Variants in CFAP299 observed in about 807,000 individuals in gnomAD.
CFAP299 encodes cilia and flagella associated protein 299, also known as cilia- and flagella-associated protein 299.
CFAP299 carries 21 observed loss-of-function variants against 27.0 expected under a neutral mutation model. The ratio of observed to expected loss-of-function variants is 0.78; its 90% CI spans 0.55 to 1.12. The LOEUF is 1.12. CFAP299 is among the 50% of genes most tolerant of loss of function. The probability of loss-of-function intolerance (pLI) is 0.00; values close to 1 mark genes in which losing one functional copy is unlikely to be tolerated. For synonymous variants in CFAP299, 104 were observed against 98.1 expected (o/e 1.06, Z -0.36); for missense variants, 310 against 276.6 (o/e 1.12, Z -0.86).
chr4:80,376,520 C>T (rs1724417246), intron 2 of CFAP299, among the ~76,000 whole-genome samples: 1 of 152,182 alleles, frequency 6.6e-6, no homozygotes, highest in Non-Finnish European at 1.5e-5. Context: ...TATCGTTTTA[C>T]TCTCTCCTTA....
intron 2 of CFAP299, among the ~76,000 whole-genome samples, chr4:80,436,073 T>C (rs759609153): frequency 2.0e-5 from 3 of 152,162 alleles, no homozygotes; most frequent in Non-Finnish European, 4.4e-5. Context: ...AGAGACTGCA[T>C]AGATACTTGG....
At chr4:80,374,055 G>T (rs1010832345) in intron 2 of CFAP299, among the ~76,000 whole-genome samples, 2 of 152,074 alleles carry the variant, frequency 1.3e-5, no homozygotes, top group African/African-American at 4.8e-5. Flanking sequence ...CCTTTGAACT[G>T]CACTCAGTGT....
intron 2 of CFAP299, among the ~76,000 whole-genome samples, chr4:80,480,328 C>T (rs933483460): frequency 6.6e-6 from 1 of 151,696 alleles, no homozygotes; most frequent in South Asian, 2.1e-4. Context: ...TAACTCCAAA[C>T]CAGAAGTGGT....
At chr4:80,672,540 C>T (rs755882636) in intron 3 of CFAP299, among the ~76,000 whole-genome samples, 4 of 152,076 alleles carry the variant, frequency 2.6e-5, no homozygotes, top group South Asian at 2.1e-4. Context: ...GGGAGGATTC[C>T]CTCTTTTTCT....
At chr4:80,866,699 C>T (rs1283594483) in intron 3 of CFAP299, among the ~76,000 whole-genome samples, 1 of 152,090 alleles carries the variant, frequency 6.6e-6, no homozygotes, top group Non-Finnish European at 1.5e-5. Flanking sequence ...CGCTTGACCT[C>T]ACTTAAAGTC....
At chr4:80,338,607 A>G (rs921981663) in intron 1 of CFAP299, among the ~76,000 whole-genome samples, 1 of 152,212 alleles carries the variant, frequency 6.6e-6, no homozygotes, top group Non-Finnish European at 1.5e-5. Flanking sequence ...CTATACTTTC[A>G]TCTGATTATC....
chr4:80,404,466 C>T (rs1037229921), intron 2 of CFAP299, among the ~76,000 whole-genome samples: 1 of 152,160 alleles, frequency 6.6e-6, no homozygotes, highest in Non-Finnish European at 1.5e-5. Context: ...CAGCTCCTAG[C>T]AACTTTATTC....
the CFAP299 span, among the ~76,000 whole-genome samples, chr4:80,327,724 C>G: frequency 0.018 from 1,170 of 66,770 alleles, 45 homozygotes; most frequent in African/African-American, 0.072. Flanking sequence ...ATATATATAA[C>G]TTCAATACAT....
At chr4:80,388,418 G>A (rs1395852616) in intron 2 of CFAP299, 69 of 770,486 alleles carry the variant, frequency 9.0e-5, no homozygotes, top group Non-Finnish European at 1.0e-4. Flanking sequence ...GGGTGCTGCC[G>A]AAGGTGTGTA....
chr4:80,785,594 G>A (rs573023108), intron 3 of CFAP299, among the ~76,000 whole-genome samples: 1 of 152,098 alleles, frequency 6.6e-6, no homozygotes, highest in South Asian at 2.1e-4. Context: ...GATGATTTTT[G>A]TTAACAATTA....
intron 2 of CFAP299, among the ~76,000 whole-genome samples, chr4:80,568,861 T>A (rs1735443582): frequency 1.3e-5 from 2 of 152,126 alleles, no homozygotes; most frequent in African/African-American, 4.8e-5. Context: ...GTAGTGTACA[T>A]GTAATTAGGT....
chr4:80,362,861 A>G lies in CFAP299; in HGVS notation c.219A>G (p.Arg73=). Residue 73 remains arginine (R), a synonymous_variant, in exon 2 of 6, where the codon AGA becomes AGG. Coordinates refer to ENST00000358105, the MANE Select transcript of CFAP299 (RefSeq NM_152770.3). ...GGAAAGCGGCTATAGAGATTGCAAG[A>G]CTGGCTGAAAGAGCTCAGCAAAAGT... ...EARKAAIEIA[R]LAERAQQKTL... 1.2e-6 allele frequency: 2 copies of G among 1,611,422 alleles called. No individual in the cohort carries two copies. The highest frequency in any genetic ancestry group is 1.7e-6 in the Non-Finnish European group (2 of 1,179,326).
chr4:80,604,765 C>A (rs1737556040), intron 3 of CFAP299, among the ~76,000 whole-genome samples: 1 of 151,504 alleles, frequency 6.6e-6, no homozygotes, highest in Non-Finnish European at 1.5e-5. Flanking sequence ...AATGCAGGGA[C>A]AACAATCAAA....
chr4:80,506,846 G>A (rs1395835012), intron 2 of CFAP299, among the ~76,000 whole-genome samples: 4 of 152,042 alleles, frequency 2.6e-5, no homozygotes, highest in African/African-American at 4.8e-5. Context: ...TAGTTGTAAG[G>A]TTAGTTAAGT....
intron 3 of CFAP299, among the ~76,000 whole-genome samples, chr4:80,627,142 T>C (rs1441817144): frequency 6.6e-6 from 1 of 151,970 alleles, no homozygotes. Flanking sequence ...GAAAATATTA[T>C]TCATCATGAT....
rs12639653 is a variant in CFAP299, at chr4:80,390,952, C to T, written c.242+28068C>T. On this transcript the variant is annotated intron_variant, in intron 2 of 5. Coordinates refer to ENST00000358105, the MANE Select transcript of CFAP299 (RefSeq NM_152770.3). ...ATATATGTATATATGTATGTACACA[C>T]ATGTATATATGTATATATGTATGTA... Among the ~76,000 whole-genome samples, 269 of 37,768 alleles carry T rather than the reference C, an allele frequency of 7.1e-3. 8 individuals are homozygous for T. The highest frequency in any genetic ancestry group is 0.014 in the Non-Finnish European group (235 of 17,012). The allele number at this position is 37,768 out of a possible 152,430, so 24.8% of individuals were successfully genotyped here. A position where few individuals can be genotyped will look rare whatever the true frequency, so the allele number is the denominator to read the frequency against.
At chr4:80,591,928 A>G (rs1736808837) in intron 3 of CFAP299, among the ~76,000 whole-genome samples, 1 of 152,248 alleles carries the variant, frequency 6.6e-6, no homozygotes, top group South Asian at 2.1e-4. Context: ...ATCATTTAGT[A>G]GAATCCTTTT....
chr4:80,575,572 G>T lies in CFAP299; in HGVS notation c.243-7521G>T, dbSNP rs368420970. 2.0e-5 allele frequency among the ~76,000 whole-genome samples: 3 copies of T among 150,966 alleles called. No individual in the cohort carries two copies. The East Asian group carries it at 5.8e-4, about 29-fold the overall frequency. ...CAGTCTGGCTAGAGGTTTGCTGATT[G>T]TATCTTTTCAAAAAAACCAATTTTC... On this transcript the variant is annotated intron_variant, in intron 2 of 5. Coordinates refer to ENST00000358105, the MANE Select transcript of CFAP299 (RefSeq NM_152770.3).
At chr4:80,530,075 TG>T (rs1733393864) in intron 2 of CFAP299, among the ~76,000 whole-genome samples, 2 of 152,224 alleles carry the variant, frequency 1.3e-5, no homozygotes, top group African/African-American at 4.8e-5. Context: ...TTAAAATGCA[TG>T]TGAGTTAGCA....
Sources: gnomAD v4.1 joint callset for allele counts (sites outside exome capture counted in the v4.1 genomes callset) on GRCh38, gnomAD v4.1.1 for gene constraint, MANE v1.5 for transcripts, NCBI Gene and HGNC (gene_info 2026-07-23, HGNC 2026-07-21) for gene names.